Variants in SPTBN2 observed in about 807,000 individuals in gnomAD.
SPTBN2 encodes spectrin beta chain, non-erythrocytic 2.
SPTBN2 carries 107 observed loss-of-function variants against 284.2 expected under a neutral mutation model. That is an observed-to-expected ratio of 0.38 (90% confidence interval 0.32 to 0.44). The LOEUF is 0.44. Ranked by LOEUF, SPTBN2 falls within the 20% of genes least tolerant of loss-of-function variation. The pLI, the probability that SPTBN2 is intolerant of heterozygous loss-of-function variation, is 1.00. For synonymous variants in SPTBN2, 1,289 were observed against 1,354.8 expected (o/e 0.95, Z 1.07); for missense variants, 2,569 against 3,287.1 (o/e 0.78, Z 5.34).
In SPTBN2 at chr11:66,707,515, C is replaced by A; in HGVS notation, c.1653+1G>T. On this transcript the variant is annotated splice_donor_variant, in intron 13 of 37. Coordinates refer to ENST00000533211, the MANE Select transcript of SPTBN2 (RefSeq NM_006946.4). LOFTEE classifies it high-confidence loss of function. This position sits in a 1 kb window ranked among gnomAD's most constrained non-coding sequence, Gnocchi z 4.9. ...CCCCACCCAGCACGCCTCACTGGTA[C>A]CTTCATCTCTTCCATCCAGTCCATG... 1 of 1,599,858 alleles carries A rather than the reference C, an allele frequency of 6.3e-7. No individual in the cohort carries two copies. Among genetic ancestry groups the A allele is most frequent in the Non-Finnish European group, 8.5e-7 (1 of 1,173,740 alleles).
chr11:66,701,888 CAAGG>C (rs992764007), intron 15 of SPTBN2, among the ~76,000 whole-genome samples, 167 bp from the exon 16 acceptor site: 4 of 152,054 alleles, frequency 2.6e-5, no homozygotes, highest in African/African-American at 9.7e-5. Context: ...ATCTGTGCAT[CAAGG>C]AAGGAACCCA....
rs146311249 is a variant in SPTBN2 at position 66,696,364 on chromosome 11, G to T, written c.4191C>A (p.Ser1397Arg). 6.2e-7 allele frequency: 1 copy of T among 1,613,370 alleles called. No individual in the cohort carries two copies. The highest frequency in any genetic ancestry group is 8.5e-7 in the Non-Finnish European group (1 of 1,180,038). ...LFAQSCCALE[S>R]WLESLQAQLH... is the part of the protein sequence containing the mutation. ...GCTGGGCCTGCAGGCTCTCCAGCCA[G>T]CTCTCCAGGGCACAGCAGCTCTGGG... Residue 1397 changes from serine (S) to arginine (R), a missense_variant, in exon 21 of 38, where the codon AGC becomes AGA. Around this residue, in one of 6 missense-constraint regions of SPTBN2, gnomAD observed 49 missense variants for 92.6 expected, o/e 0.53. Coordinates refer to ENST00000533211, the MANE Select transcript of SPTBN2 (RefSeq NM_006946.4).
chr11:66,685,920 C>T lies in SPTBN2; in HGVS notation c.7124G>A (p.Arg2375Lys). Residue 2375 changes from arginine to lysine, a missense_variant, in exon 38 of 38, where the codon AGA (arginine) becomes AAA (lysine). This residue lies in a region of SPTBN2 where 1,130 missense variants were observed against 1,317.3 expected (regional missense o/e 0.86). Coordinates refer to ENST00000533211, the MANE Select transcript of SPTBN2 (RefSeq NM_006946.4). The surrounding 1 kb of genome is among the most constrained non-coding windows in gnomAD (Gnocchi z 4.4). ...GAAGCGTTTTTCTCGCTCTCGTTCTCTGCCGTCTTTGCTGCGGAGCACAAC... is the reference window on the plus strand; with the variant it reads ...GAAGCGTTTTTCTCGCTCTCGTTCTTTGCCGTCTTTGCTGCGGAGCACAAC... ...GPVVLRSKDG[R>K]EREREKRFSF... The T allele has an allele frequency of 1.2e-6, 2 of 1,614,010 alleles. No homozygotes were observed. The highest frequency in any genetic ancestry group is 3.3e-5 in the Admixed American group (2 of 60,016).
Position 66,688,669 on chromosome 11 carries a change from A to G in SPTBN2, c.6215T>C (p.Leu2072Pro). 1 of 1,613,976 alleles carries G rather than the reference A, an allele frequency of 6.2e-7. No individual in the cohort carries two copies. The highest frequency in any genetic ancestry group is 8.5e-7 in the Non-Finnish European group (1 of 1,180,020). Reference sequence around the variant, plus strand: ...GTCCCTCACCGCAGTAAGCTTCTCCAGCGCACAGAATCGCTCCTCCCAGGC... The same window carrying G: ...GTCCCTCACCGCAGTAAGCTTCTCCGGCGCACAGAATCGCTCCTCCCAGGC... Reference protein sequence around the residue: ...AVAWEERFCALEKLTALEERE... With the variant: ...AVAWEERFCAPEKLTALEERE... The change falls in exon 31 of 38, where the codon CTG becomes CCG. Residue 2072 changes from leucine to proline, a missense_variant. By Grantham distance (98) the Leu-to-Pro change is moderately conservative. This residue lies in a region of SPTBN2 where 1,130 missense variants were observed against 1,317.3 expected (regional missense o/e 0.86). Coordinates refer to ENST00000533211, the MANE Select transcript of SPTBN2 (RefSeq NM_006946.4).
At position 66,692,694 on chromosome 11, in the gene SPTBN2, C is replaced by A; in HGVS notation, c.5032G>T (p.Gly1678Cys). ...RQAQVDKLYA[G>C]LKELAGERRE... ...CGCTCTCCAGCCAGCTCCTTCAGGC[C>A]GGCATACAGCTTGTCCACCTGGGCT... Residue 1678 changes from glycine (G) to cysteine (C), a missense_variant, in exon 26 of 38, where the codon GGC (glycine) becomes TGC (cysteine). This residue lies in a region of SPTBN2 where 1,130 missense variants were observed against 1,317.3 expected (regional missense o/e 0.86). Transcript: ENST00000533211. The A allele has an allele frequency of 6.2e-7, 1 of 1,604,454 alleles. No individual in the cohort carries two copies. Among genetic ancestry groups the A allele is most frequent in the Non-Finnish European group, 8.5e-7 (1 of 1,179,938 alleles).
chr11:66,731,630 C>T (rs146959984), upstream of SPTBN2, among the ~76,000 whole-genome samples: 23 of 152,320 alleles, frequency 1.5e-4, no homozygotes, highest in Non-Finnish European at 3.2e-4. Flanking sequence ...GGTTCCTTCC[C>T]ATCAGCATTT....
chr11:66,700,892 G>A lies in SPTBN2; in HGVS notation c.3207C>T (p.Asp1069=), dbSNP rs1313887927. 1 of 1,600,376 alleles carries A rather than the reference G, an allele frequency of 6.2e-7. No homozygotes were observed. The highest frequency in any genetic ancestry group is 1.3e-5 in the African/African-American group (1 of 75,046). Residue 1069 remains aspartate (D), a synonymous_variant, in exon 17 of 38, where the codon GAC becomes GAT. Transcript: ENST00000533211. The surrounding 1 kb of genome is among the most constrained non-coding windows in gnomAD (Gnocchi z 6.6). ...ESLGEARRLQ[D]FLRSLDDFQA... ...GGAAGTCATCCAAGCTGCGCAAGAA[G>A]TCCTGCAGCCGCCGCGCCTCCCCCA...
At chr11:66,709,865 T>C (rs1222035772) in intron 10 of SPTBN2, among the ~76,000 whole-genome samples, 1 of 152,236 alleles carries the variant, frequency 6.6e-6, no homozygotes, top group Non-Finnish European at 1.5e-5. Flanking sequence ...AATACTGAAA[T>C]GATAAGAACC....
At chr11:66,741,013 G>A (rs555092741) in intron 1 of SPTBN2, among the ~76,000 whole-genome samples, 3 of 152,294 alleles carry the variant, frequency 2.0e-5, no homozygotes, top group Middle Eastern at 3.4e-3. Flanking sequence ...TCAAACCCTT[G>A]AGTTTGGGTC....
In SPTBN2 at chr11:66,690,260, G is replaced by C. The variant is rs749696796; in HGVS notation, c.5589C>G (p.Gly1863=). The C allele has an allele frequency of 3.0e-5, 49 of 1,611,030 alleles. No individual in the cohort carries two copies. The highest frequency in any genetic ancestry group is 3.8e-5 in the Non-Finnish European group (45 of 1,178,860). The part of the protein sequence containing the change: ...SPQVQQVQDD[G]HRLQKAYAGD... Reference sequence around the variant, plus strand: ...CAGCGTAGGCCTTCTGGAGCCGGTGGCCGTCGTCCTGCACCTGCTGGACCT... The same window carrying C: ...CAGCGTAGGCCTTCTGGAGCCGGTGCCCGTCGTCCTGCACCTGCTGGACCT... Residue 1863 remains glycine, a synonymous_variant, in exon 28 of 38, where the codon GGC becomes GGG. Coordinates refer to ENST00000533211, the MANE Select transcript of SPTBN2 (RefSeq NM_006946.4).
chr11:66,744,198 A>C (rs1336913744), intron 1 of SPTBN2, among the ~76,000 whole-genome samples: 1 of 151,804 alleles, frequency 6.6e-6, no homozygotes, highest in Non-Finnish European at 1.5e-5. Flanking sequence ...GTAATTTTTT[A>C]GTATATGTCC....
chr11:66,693,408 G>A lies in SPTBN2; in HGVS notation c.4632C>T (p.Ile1544=), dbSNP rs139176086. 117 of 1,600,218 alleles carry A rather than the reference G, an allele frequency of 7.3e-5. No individual in the cohort carries two copies. Among genetic ancestry groups the A allele is most frequent in the Middle Eastern group, 1.6e-4 (1 of 6,080 alleles). Residue 1544 remains isoleucine (I), a synonymous_variant, in exon 24 of 38, where the codon ATC becomes ATT. Coordinates refer to ENST00000533211, the MANE Select transcript of SPTBN2 (RefSeq NM_006946.4). The surrounding 1 kb of genome is among the most constrained non-coding windows in gnomAD (Gnocchi z 5.7). ...QKEIQGHEPR[I]ADLRERQRAL... is the part of the protein sequence containing the mutation. ...CACGCTGCCGCTCCCTCAGGTCCGC[G>A]ATCCGGGGCTCATGGCCCTGAATCT... is the stretch of plus-strand genomic sequence containing the variant.
chr11:66,705,672 C>G lies in SPTBN2; in HGVS notation c.1807+12G>C. ...AGCCCCTCCCTCTCCAGTGCCTTCG[C>G]TGACTTCTCACCTTTCCCTGGGTTG... On this transcript the variant is annotated intron_variant, in intron 14 of 37. Transcript: ENST00000533211. 6.2e-7 allele frequency: 1 copy of G among 1,610,624 alleles called. No individual in the cohort carries two copies. The highest frequency in any genetic ancestry group is 8.5e-7 in the Non-Finnish European group (1 of 1,179,988).
At chr11:66,695,881 C>T (rs1019285676) in intron 21 of SPTBN2, among the ~76,000 whole-genome samples, 5 of 151,640 alleles carry the variant, frequency 3.3e-5, no homozygotes, top group African/African-American at 1.2e-4. Flanking sequence ...GGATAACAGG[C>T]GTGCGCCACC....
intron 20 of SPTBN2, among the ~76,000 whole-genome samples, chr11:66,697,236 C>T (rs1337563314): frequency 6.6e-6 from 1 of 152,158 alleles, no homozygotes; most frequent in Non-Finnish European, 1.5e-5. Flanking sequence ...TGGCTCCACC[C>T]CCCTACTGAT....
At chr11:66,702,734 C>G (rs537344532) in intron 15 of SPTBN2, among the ~76,000 whole-genome samples, 1 of 151,604 alleles carries the variant, frequency 6.6e-6, no homozygotes, top group Non-Finnish European at 1.5e-5. Context: ...GTCAGGAGAT[C>G]GAGACCATCC....
Position 66,710,882 on chromosome 11 carries a change from C to G in SPTBN2, c.885+35G>C. The G allele has an allele frequency of 6.2e-7, 1 of 1,612,430 alleles. No homozygotes were observed. The highest frequency in any genetic ancestry group is 8.5e-7 in the Non-Finnish European group (1 of 1,178,480). On this transcript the variant is annotated intron_variant, in intron 9 of 37. Transcript: ENST00000533211. The surrounding 1 kb of genome is among the most constrained non-coding windows in gnomAD (Gnocchi z 4.9). ...CAGTAAGACCCCTCAGCCGGGCCTC[C>G]TCTGGCCTTTATGCCTACTGCCCAT...
chr11:66,718,212 T>C lies in SPTBN2; in HGVS notation c.158-2231A>G, dbSNP rs1304730124. Among the ~76,000 whole-genome samples the C allele has an allele frequency of 1.3e-5, 2 of 152,204 alleles. No individual in the cohort carries two copies. Among genetic ancestry groups the C allele is most frequent in the African/African-American group, 4.8e-5 (2 of 41,456 alleles). ...CCGGCAGTCACACCCACCCATGCCATCATACACGGTCCCTGCCAGCAGGTC... is the reference window on the plus strand; with the variant it reads ...CCGGCAGTCACACCCACCCATGCCACCATACACGGTCCCTGCCAGCAGGTC... On this transcript the variant is annotated intron_variant, in intron 3 of 37. Transcript: ENST00000533211. The surrounding 1 kb of genome is among the most constrained non-coding windows in gnomAD (Gnocchi z 4.8).
chr11:66,724,430 A>G (rs1942541535), intron 1 of SPTBN2, among the ~76,000 whole-genome samples: 1 of 152,150 alleles, frequency 6.6e-6, no homozygotes, highest in Non-Finnish European at 1.5e-5. Context: ...TCAGAAAAAA[A>G]AAAAGACTGA....
Sources: allele counts gnomAD v4.1 joint callset (sites outside exome capture counted in the v4.1 genomes callset), GRCh38; gene constraint gnomAD v4.1.1; regional missense constraint gnomAD v4.1.1; non-coding constraint Gnocchi (gnomAD v3.1); transcripts MANE v1.5; gene names NCBI Gene and HGNC (gene_info 2026-07-23, HGNC 2026-07-21).